AP4B1: variants seen among roughly 807,000 people sequenced by gnomAD.
AP4B1 encodes the protein AP-4 complex subunit beta-1.
Under a neutral mutation model 76.5 loss-of-function variants are expected in AP4B1, and 49 were observed. The ratio of observed to expected loss-of-function variants is 0.64; its 90% CI spans 0.51 to 0.81. The LOEUF is 0.81. Among genes scored for constraint, AP4B1 ranks in the 40% least tolerant of loss-of-function variants. AP4B1 has a pLI of 0.00. For synonymous variants in AP4B1, 330 were observed against 333.3 expected (o/e 0.99, Z 0.11); for missense variants, 911 against 904.9 (o/e 1.01, Z -0.09).
intron 6 of AP4B1, 61 bp downstream of exon 6, chr1:113,898,656 GC>G: frequency 8.2e-7 from 1 of 1,223,430 alleles, no homozygotes; most frequent in Non-Finnish European, 1.2e-6. Flanking sequence ...CATGTTTTGA[GC>G]AACTACTATA....
At position 113,901,377 on chromosome 1, in the gene AP4B1, G is replaced by C; in HGVS notation, c.476C>G (p.Ala159Gly). The part of the protein sequence containing the change: ...NLHGDSEVDG[A>G]LVNELYSLLR... ...CAAACTGTATAATTCATTTACCAGGGCACCATCTATAAAAAAGAACAAAGT... is the reference window on the plus strand; with the variant it reads ...CAAACTGTATAATTCATTTACCAGGCCACCATCTATAAAAAAGAACAAAGT... Residue 159 changes from alanine (A) to glycine (G), a missense_variant, in exon 4 of 10, where the codon GCC becomes GGC. Coordinates refer to ENST00000369569, the MANE Select transcript of AP4B1 (RefSeq NM_001253852.3). 1 of 1,613,920 alleles carries C rather than the reference G, an allele frequency of 6.2e-7. No individual in the cohort carries two copies. The highest frequency in any genetic ancestry group is 1.1e-5 in the South Asian group (1 of 91,080).
rs1558083834 is a variant in AP4B1 at position 113,897,877 on chromosome 1, G to A, written c.1265C>T (p.Ala422Val). ...AATGTTCTCTTCACAGCCGGGCAGG[G>A]CCTGACATACAGCTTCAGTACACTG... Reference protein sequence around the residue: ...CPQCTEAVCQALPGCEENIQD... With the variant: ...CPQCTEAVCQVLPGCEENIQD... The change falls in exon 7 of 10, where the codon GCC becomes GTC. Residue 422 changes from alanine (A) to valine (V), a missense_variant. By Grantham distance (64) the Ala-to-Val change is moderately conservative. Transcript: ENST00000369569. 1.2e-6 allele frequency: 2 copies of A among 1,614,120 alleles called. No homozygotes were observed. Among genetic ancestry groups the A allele is most frequent in the Non-Finnish European group, 8.5e-7 (1 of 1,180,024 alleles).
At position 113,899,916 on chromosome 1, in the gene AP4B1, T is replaced by G; in HGVS notation, c.1102A>C (p.Ile368Leu). The change falls in exon 5 of 10, where the codon ATC (isoleucine) becomes CTC (leucine). Residue 368 changes from isoleucine (I) to leucine (L), a missense_variant. Ile to Leu is a conservative substitution (Grantham distance 5). Coordinates refer to ENST00000369569, the MANE Select transcript of AP4B1 (RefSeq NM_001253852.3). ...AGCAGACACCTACCTATGGCAAAGA[T>G]GGCAGCCTGTGCAAAGTCCGCAGAC... is the stretch of plus-strand genomic sequence containing the variant. ...DVSADFAQAA[I>L]FAIGGIARTY... 6.2e-7 allele frequency: 1 copy of G among 1,614,188 alleles called. No individual in the cohort carries two copies. The highest frequency in any genetic ancestry group is 1.3e-5 in the African/African-American group (1 of 75,038).
intron 1 of AP4B1, among the ~76,000 whole-genome samples, chr1:113,903,258 G>A (rs7513707): frequency 0.16 from 24,559 of 152,166 alleles, 2,973 homozygotes; most frequent in East Asian, 0.58. Context: ...TAGAGACGGG[G>A]TTTCTCCATG....
In AP4B1 at chr1:113,901,216, G is replaced by C; in HGVS notation, c.617+20C>G. Reference sequence around the variant, plus strand: ...AAGGTAGCAGATCTCATAATAAAAAGAGTGCTGAGGCATCCAAACCGATTT... The same window carrying C: ...AAGGTAGCAGATCTCATAATAAAAACAGTGCTGAGGCATCCAAACCGATTT... On this transcript the variant is annotated intron_variant, in intron 4 of 9. Transcript: ENST00000369569. The C allele has an allele frequency of 6.2e-7, 1 of 1,613,948 alleles. No individual in the cohort carries two copies. The highest frequency in any genetic ancestry group is 8.5e-7 in the Non-Finnish European group (1 of 1,179,856).
At chr1:113,898,834 A>G (rs773477630) in intron 5 of AP4B1, 33 bp from the exon 6 acceptor site, 1 of 1,513,290 alleles carries the variant, frequency 6.6e-7, no homozygotes, top group Non-Finnish European at 9.1e-7. Context: ...GAAAACTGCT[A>G]AGTGAAATAT....
chr1:113,895,372 A>C lies in AP4B1; in HGVS notation c.1913T>G (p.Leu638Arg). Reference sequence around the variant, plus strand: ...CAACACTTGCTGATGAGCAACTTTAAGGCTAAGCCAAGTTTTCTCAAAATA... The same window carrying C: ...CAACACTTGCTGATGAGCAACTTTACGGCTAAGCCAAGTTTTCTCAAAATA... The part of the protein sequence containing the change: ...ADYFEKTWLS[L>R]KVAHQQVLPW... Residue 638 changes from leucine to arginine, a missense_variant, in exon 10 of 10, where the codon CTT becomes CGT. Transcript: ENST00000369569. 1 of 1,614,220 alleles carries C rather than the reference A, an allele frequency of 6.2e-7. No homozygotes were observed.
rs759742089 is a variant in AP4B1, at chr1:113,897,870, G to C, written c.1272C>G (p.Pro424=). The C allele has an allele frequency of 1.2e-6, 2 of 1,613,936 alleles. No homozygotes were observed. Among genetic ancestry groups the C allele is most frequent in the African/African-American group, 2.7e-5 (2 of 74,872 alleles). ...TATCTTGAATGTTCTCTTCACAGCC[G>C]GGCAGGGCCTGACATACAGCTTCAG... ...QCTEAVCQAL[P]GCEENIQDSE... The change falls in exon 7 of 10, where the codon CCC becomes CCG. Residue 424 remains proline (P), a synonymous_variant. Transcript: ENST00000369569.
chr1:113,901,305 A>G lies in AP4B1; in HGVS notation c.548T>C (p.Leu183Pro). 1 of 1,614,138 alleles carries G rather than the reference A, an allele frequency of 6.2e-7. No homozygotes were observed. Among genetic ancestry groups the G allele is most frequent in the Non-Finnish European group, 8.5e-7 (1 of 1,180,010 alleles). ...PIVVVNCLRS[L>P]EEILKQEGGV... The stretch of plus-strand genomic sequence containing the variant: ...TCCTTCCTGTTTCAGAATTTCCTCT[A>G]GAGACCTCAAGCAGTTCACAACTAC... The change falls in exon 4 of 10, where the codon CTA becomes CCA. Residue 183 changes from leucine (L) to proline (P), a missense_variant. By Grantham distance (98) the Leu-to-Pro change is moderately conservative. Coordinates refer to ENST00000369569, the MANE Select transcript of AP4B1 (RefSeq NM_001253852.3).
chr1:113,904,922 C>G (rs1668790336), upstream of AP4B1: 2 of 573,924 alleles, frequency 3.5e-6, no homozygotes, highest in African/African-American at 3.7e-5. Flanking sequence ...GAGCCCCACC[C>G]TAGGCTCTTC....
intron 7 of AP4B1, chr1:113,896,717 C>T (rs1322938812): frequency 1.8e-6 from 1 of 559,632 alleles, no homozygotes; most frequent in Non-Finnish European, 3.2e-6. Flanking sequence ...AAGGTTTCCT[C>T]AGGTTTGGGG....
At chr1:113,902,890 T>C in intron 1 of AP4B1, 28 bp from the exon 2 acceptor site, 1 of 1,605,950 alleles carries the variant, frequency 6.2e-7, no homozygotes, top group Non-Finnish European at 8.5e-7. Context: ...CAGAAGGAAG[T>C]AAAATGCAAA....
Position 113,899,830 on chromosome 1 carries a change from C to CT in AP4B1, c.1114+73dup, listed in dbSNP as rs781482113. ...AAGCAAGATTCATGCCCTTTGCTCT[C>CT]TATGGTTCCTCTAACCACAGTTTTC... On this transcript the variant is annotated intron_variant, in intron 5 of 9. Coordinates refer to ENST00000369569, the MANE Select transcript of AP4B1 (RefSeq NM_001253852.3). 4 of 1,612,024 alleles carry CT rather than the reference C, an allele frequency of 2.5e-6. No homozygotes were observed. The African/African-American group carries it at 4.0e-5, about 16-fold the overall frequency.
In AP4B1 at chr1:113,902,729, C is replaced by A; in HGVS notation, c.247G>T (p.Ala83Ser). The change falls in exon 2 of 10, where the codon GCT (alanine) becomes TCT (serine). Residue 83 changes from alanine (A) to serine (S), a missense_variant. Transcript: ENST00000369569. ...CTYAPLKPDLALLAINTLCKD... is the reference protein window; with the variant it reads ...CTYAPLKPDLSLLAINTLCKD... ...CACAGCGTATTGATGGCCAGGAGAG[C>A]CAGATCTGGTTTCAGGGGAGCATAT... The A allele has an allele frequency of 6.2e-7, 1 of 1,614,180 alleles. No individual in the cohort carries two copies. Among genetic ancestry groups the A allele is most frequent in the Non-Finnish European group, 8.5e-7 (1 of 1,180,040 alleles).
Position 113,894,406 on chromosome 1 carries a change from G to T in AP4B1, c.*659C>A, listed in dbSNP as rs1667260940. ...GGGTTAAAGGAAACTTCCTGAAGGA[G>T]CTTATGAGTGAGCTGAACACTGAAA... On this transcript the variant is annotated 3_prime_UTR_variant, in exon 10 of 10. Coordinates refer to ENST00000369569, the MANE Select transcript of AP4B1 (RefSeq NM_001253852.3). 2.0e-5 allele frequency among the ~76,000 whole-genome samples: 3 copies of T among 152,204 alleles called. No homozygotes were observed. The highest frequency in any genetic ancestry group is 2.0e-4 in the Admixed American group (3 of 15,282).
intron 1 of AP4B1, among the ~76,000 whole-genome samples, chr1:113,904,100 G>A (rs1373047965): frequency 1.3e-5 from 2 of 152,200 alleles, no homozygotes; most frequent in Non-Finnish European, 2.9e-5. Context: ...TAATAAACAA[G>A]AGAGGATGGA....
chr1:113,904,945 CG>C, upstream of AP4B1: 1 of 511,830 alleles, frequency 2.0e-6, no homozygotes, highest in Non-Finnish European at 3.6e-6. Context: ...GCCCTACCGT[CG>C]GCCGGCAGGC....
chr1:113,900,997 C>G, intron 4 of AP4B1: 2 of 502,898 alleles, frequency 4.0e-6, no homozygotes, highest in Non-Finnish European at 7.1e-6. Flanking sequence ...ATCCCAGCTA[C>G]TCGGGAGGCT....
rs1187459363 is a variant in AP4B1, at chr1:113,900,041, T to C, written c.977A>G (p.His326Arg). 3 of 1,614,184 alleles carry C rather than the reference T, an allele frequency of 1.9e-6. No homozygotes were observed. The highest frequency in any genetic ancestry group is 1.7e-6 in the Non-Finnish European group (2 of 1,180,024). ...KKFFCSYSEPHYIKLQKVEVL... is the reference protein window; with the variant it reads ...KKFFCSYSEPRYIKLQKVEVL... ...CTCCACTTTCTGTAGTTTGATGTAG[T>C]GGGGCTCCGAGTAGGAGCAAAAAAA... The change falls in exon 5 of 10, where the codon CAC (histidine) becomes CGC (arginine). Residue 326 changes from histidine (H) to arginine (R), a missense_variant. By Grantham distance (29) the His-to-Arg change is conservative. Coordinates refer to ENST00000369569, the MANE Select transcript of AP4B1 (RefSeq NM_001253852.3).
Sources: gnomAD v4.1 joint callset for allele counts (sites outside exome capture counted in the v4.1 genomes callset) on GRCh38, gnomAD v4.1.1 for gene constraint, MANE v1.5 for transcripts, NCBI Gene and HGNC (gene_info 2026-07-23, HGNC 2026-07-21) for gene names.